Variants in GPD2 observed in about 807,000 individuals in gnomAD.
GPD2 encodes the protein glycerol-3-phosphate dehydrogenase, mitochondrial.
In GPD2, 54 loss-of-function variants were observed where a neutral mutation model predicts 82.4. That is an observed-to-expected ratio of 0.66 (90% CI 0.53 to 0.82). The LOEUF (loss-of-function observed/expected upper bound fraction) is 0.82, where lower values mean the gene tolerates loss of function less well. Ranked by LOEUF, GPD2 falls within the 40% of genes least tolerant of loss-of-function variation. GPD2 has a pLI of 0.00. For missense variants in GPD2, 748 were observed against 896.2 expected (o/e 0.83, Z 2.11); for synonymous variants, 288 against 306.1 (o/e 0.94, Z 0.62).
chr2:156,484,297 G>A (rs1371482652), intron 2 of GPD2, among the ~76,000 whole-genome samples: 1 of 151,748 alleles, frequency 6.6e-6, no homozygotes, highest in Non-Finnish European at 1.5e-5. Flanking sequence ...CACCACGGCC[G>A]GCTAATTTTT....
At chr2:156,409,723 T>A in the GPD2 span, among the ~76,000 whole-genome samples, 1 of 151,970 alleles carries the variant, frequency 6.6e-6, no homozygotes, top group Admixed American at 6.6e-5. Flanking sequence ...CAAAAAAACC[T>A]AGAAAGTCAA....
chr2:156,552,270 G>T (rs1035295525), intron 8 of GPD2, among the ~76,000 whole-genome samples: 11 of 152,190 alleles, frequency 7.2e-5, no homozygotes, highest in African/African-American at 1.2e-4. Context: ...CACTGCATAA[G>T]ATAATAGAAA....
chr2:156,578,644 G>A (rs1687910119), intron 13 of GPD2, among the ~76,000 whole-genome samples: 1 of 152,184 alleles, frequency 6.6e-6, no homozygotes, highest in Admixed American at 6.5e-5. Flanking sequence ...CATGGGAAGG[G>A]ATCAGCTGCA....
chr2:156,420,665 G>A, the GPD2 span, among the ~76,000 whole-genome samples: 1 of 152,148 alleles, frequency 6.6e-6, no homozygotes, highest in Non-Finnish European at 1.5e-5. Context: ...CATACTTTGA[G>A]CTGTTTAAAT....
the GPD2 span, among the ~76,000 whole-genome samples, chr2:156,415,078 TG>T: frequency 6.6e-6 from 1 of 151,988 alleles, no homozygotes; most frequent in Non-Finnish European, 1.5e-5. Flanking sequence ...CAGTATACAT[TG>T]CACCATATTT....
intron 1 of GPD2, among the ~76,000 whole-genome samples, chr2:156,437,528 C>T (rs1406960659): frequency 2.0e-5 from 3 of 152,116 alleles, no homozygotes; most frequent in Admixed American, 6.5e-5. Context: ...ATGTTGAAAC[C>T]CCCCTCTGTT....
At chr2:156,430,751 A>G (rs1453477009), upstream of GPD2, among the ~76,000 whole-genome samples, 1 of 152,176 alleles carries the variant, frequency 6.6e-6, no homozygotes, top group African/African-American at 2.4e-5. Context: ...CTATGGGAAA[A>G]ATTTGTTTTT....
chr2:156,518,377 C>T (rs940444275), intron 6 of GPD2, among the ~76,000 whole-genome samples: 5 of 152,126 alleles, frequency 3.3e-5, no homozygotes, highest in African/African-American at 1.2e-4. Context: ...TTCATGTCTC[C>T]CAGTCACGAG....
the GPD2 span, among the ~76,000 whole-genome samples, chr2:156,401,808 T>C: frequency 6.6e-6 from 1 of 152,134 alleles, no homozygotes; most frequent in Admixed American, 6.5e-5. Flanking sequence ...TCCTTCACCC[T>C]TAGTTTCCAA....
intron 6 of GPD2, among the ~76,000 whole-genome samples, chr2:156,539,676 C>T (rs1247600575): frequency 1.3e-5 from 2 of 152,146 alleles, no homozygotes; most frequent in Admixed American, 6.5e-5. Context: ...CGAAATCACC[C>T]CTGGGGCAGG....
chr2:156,453,612 C>A (rs750106458), intron 1 of GPD2, among the ~76,000 whole-genome samples: 1 of 152,094 alleles, frequency 6.6e-6, no homozygotes, highest in African/African-American at 2.4e-5. Flanking sequence ...CAATGATGGC[C>A]GGGCCTGTAA....
At chr2:156,520,861 C>T (rs1342948507) in intron 6 of GPD2, among the ~76,000 whole-genome samples, 1 of 152,182 alleles carries the variant, frequency 6.6e-6, no homozygotes, top group Non-Finnish European at 1.5e-5. Flanking sequence ...GCTGGGATTG[C>T]AGGCGTGAGC....
the GPD2 span, among the ~76,000 whole-genome samples, chr2:156,402,630 A>G: frequency 6.6e-6 from 1 of 152,154 alleles, no homozygotes; most frequent in African/African-American, 2.4e-5. Flanking sequence ...ACAGGTGTGC[A>G]CCACCATGCA....
chr2:156,419,000 A>AGTTCAGC, the GPD2 span, among the ~76,000 whole-genome samples: 1 of 149,122 alleles, frequency 6.7e-6, no homozygotes, highest in East Asian at 2.0e-4. Context: ...CGGCTTCTTC[A>AGTTCAGC]GTTCAGCATG....
chr2:156,469,509 A>G (rs1428666948), intron 1 of GPD2, among the ~76,000 whole-genome samples: 1 of 152,134 alleles, frequency 6.6e-6, no homozygotes, highest in Non-Finnish European at 1.5e-5. Context: ...CATTGTGTAT[A>G]TGTACCACAT....
At chr2:156,510,987 G>GA (rs2105269746) in intron 4 of GPD2, 67 bp downstream of exon 4, 1 of 1,389,206 alleles carries the variant, frequency 7.2e-7, no homozygotes, top group African/African-American at 1.4e-5. Flanking sequence ...ATTAAATCAG[G>GA]TTTTTTTTTC....
chr2:156,582,484 T>TA (rs5835627), intron 16 of GPD2, among the ~76,000 whole-genome samples: 61,463 of 136,452 alleles, frequency 0.45, 14,061 homozygotes, highest in East Asian at 0.59. Context: ...TTGAAGTTGC[T>TA]AAAAAAAAAA....
At position 156,496,092 on chromosome 2, in the gene GPD2, A is replaced by G; in HGVS notation, c.151A>G (p.Asn51Asp). ...KAADCISEPV[N>D]REPPSREAQL... The stretch of plus-strand genomic sequence containing the variant: ...AGCAGACTGCATTTCAGAACCAGTT[A>G]ACAGGGAGCCTCCTTCCAGAGAAGC... Residue 51 changes from asparagine (N) to aspartate (D), a missense_variant, in exon 3 of 17, where the codon AAC (asparagine) becomes GAC (aspartate). By Grantham distance (23) the Asn-to-Asp change is conservative (BLOSUM62 1). Coordinates refer to ENST00000438166, the MANE Select transcript of GPD2 (RefSeq NM_000408.5). The G allele has an allele frequency of 6.2e-7, 1 of 1,613,070 alleles. No individual in the cohort carries two copies. Among genetic ancestry groups the G allele is most frequent in the Non-Finnish European group, 8.5e-7 (1 of 1,179,074 alleles).
intron 1 of GPD2, among the ~76,000 whole-genome samples, chr2:156,452,735 T>G (rs988121686): frequency 3.3e-5 from 5 of 152,154 alleles, no homozygotes; most frequent in African/African-American, 1.2e-4. Flanking sequence ...GAGGAGCTGA[T>G]GAAGGTAGGA....
Sources: allele counts gnomAD v4.1 joint callset (sites outside exome capture counted in the v4.1 genomes callset), GRCh38; gene constraint gnomAD v4.1.1; transcripts MANE v1.5; gene names NCBI Gene and HGNC (gene_info 2026-07-23, HGNC 2026-07-21).